The following STK32B variants were observed in gnomAD, a reference collection of about 807,000 sequenced individuals.
STK32B encodes the protein serine/threonine-protein kinase 32B.
Under a neutral mutation model 52.6 loss-of-function variants are expected in STK32B, and 43 were observed. That is an observed-to-expected ratio of 0.82 (90% CI 0.64 to 1.05). STK32B has a LOEUF of 1.05. Ranked by LOEUF, STK32B falls within the 50% of genes least tolerant of loss-of-function variation. The pLI is 0.00. For synonymous variants in STK32B, 238 were observed against 204.3 expected (o/e 1.17, Z -1.41); for missense variants, 621 against 534.6 (o/e 1.16, Z -1.59).
In STK32B at chr4:5,058,809, G is replaced by A. The variant is rs1321696229; in HGVS notation, c.52+6894G>A. Among the ~76,000 whole-genome samples the A allele has an allele frequency of 5.9e-5, 9 of 152,170 alleles. No homozygotes were observed. The South Asian group carries it at 6.2e-4, about 11-fold the overall frequency. On this transcript the variant is annotated intron_variant, in intron 1 of 11. Transcript: ENST00000282908. This position sits in a 1 kb window ranked among gnomAD's most constrained non-coding sequence, Gnocchi z 4.8. Reference sequence around the variant, plus strand: ...TCTGTCTCCCAGGATGGAGTGCAGTGGCGTGGTATCAGCTCACTGCAACCT... The same window carrying A: ...TCTGTCTCCCAGGATGGAGTGCAGTAGCGTGGTATCAGCTCACTGCAACCT...
chr4:5,142,649 C>G (rs1399224603), intron 2 of STK32B, among the ~76,000 whole-genome samples: 2 of 152,178 alleles, frequency 1.3e-5, no homozygotes, highest in African/African-American at 4.8e-5. Context: ...CCTGACATGA[C>G]TTGGAACTTG....
chr4:5,342,511 G>A (rs142110663), intron 4 of STK32B, among the ~76,000 whole-genome samples: 1 of 152,266 alleles, frequency 6.6e-6, no homozygotes, highest in East Asian at 1.9e-4. Context: ...GAGAACACTT[G>A]GCCATACACT....
chr4:5,335,510 C>T (rs946923488), intron 4 of STK32B, among the ~76,000 whole-genome samples: 5 of 152,106 alleles, frequency 3.3e-5, no homozygotes, highest in African/African-American at 7.2e-5. Context: ...TTATTTCTTG[C>T]CTTCTGCTAG....
intron 3 of STK32B, among the ~76,000 whole-genome samples, chr4:5,195,954 A>G (rs1721614927): frequency 1.3e-5 from 2 of 152,252 alleles, no homozygotes; most frequent in South Asian, 2.1e-4. Context: ...CTAAACATAC[A>G]TATATATGAA....
intron 11 of STK32B, among the ~76,000 whole-genome samples, chr4:5,488,896 TAA>T (rs1303501506): frequency 6.6e-6 from 1 of 152,122 alleles, no homozygotes; most frequent in African/African-American, 2.4e-5. Context: ...TTTTTCTCAA[TAA>T]AGAATATATT....
At chr4:5,270,221 G>T (rs1351154623) in intron 3 of STK32B, among the ~76,000 whole-genome samples, 1 of 152,142 alleles carries the variant, frequency 6.6e-6, no homozygotes, top group Non-Finnish European at 1.5e-5. Flanking sequence ...ACGATTACAG[G>T]TGAGGTCCCA....
At chr4:5,038,988 T>TC in the STK32B span, among the ~76,000 whole-genome samples, 10 of 148,060 alleles carry the variant, frequency 6.8e-5, no homozygotes, top group Middle Eastern at 3.5e-3. Context: ...TTTCTTTCTT[T>TC]TTTTTTTTTT....
intron 1 of STK32B, 49 bp downstream of exon 1, chr4:5,051,964 C>T: frequency 6.4e-7 from 1 of 1,553,636 alleles, no homozygotes; most frequent in Non-Finnish European, 8.7e-7. Context: ...CATCCCCTTC[C>T]TCCACCACCC....
intron 1 of STK32B, among the ~76,000 whole-genome samples, chr4:5,108,393 C>T (rs529345527): frequency 1.2e-3 from 180 of 152,238 alleles, no homozygotes; most frequent in African/African-American, 3.7e-3. Flanking sequence ...TGCCAGGTCA[C>T]GTGTAAATTC....
intron 6 of STK32B, among the ~76,000 whole-genome samples, chr4:5,417,750 C>G (rs1712282206): frequency 6.6e-6 from 1 of 152,154 alleles, no homozygotes; most frequent in African/African-American, 2.4e-5. Flanking sequence ...GTGTAACAAA[C>G]TGTGTCAAAA....
intron 7 of STK32B, chr4:5,447,322 T>A (rs1217741545): frequency 6.5e-6 from 1 of 153,164 alleles, no homozygotes; most frequent in African/African-American, 2.4e-5. Context: ...CATTTTTTTG[T>A]TTGAGCAGAA....
chr4:5,093,481 A>G (rs1439429352), intron 1 of STK32B, among the ~76,000 whole-genome samples: 5 of 151,696 alleles, frequency 3.3e-5, no homozygotes, highest in African/African-American at 1.2e-4. Context: ...CAAACACCGC[A>G]TGTTCTCACT....
intron 6 of STK32B, among the ~76,000 whole-genome samples, chr4:5,443,572 A>T (rs1278886454): frequency 1.3e-5 from 2 of 152,096 alleles, no homozygotes; most frequent in Non-Finnish European, 2.9e-5. Flanking sequence ...GCTCAGAGTA[A>T]TTTGATCGTC....
At chr4:5,122,048 T>G (rs967181452) in intron 1 of STK32B, among the ~76,000 whole-genome samples, 3 of 152,202 alleles carry the variant, frequency 2.0e-5, no homozygotes, top group African/African-American at 7.2e-5. Flanking sequence ...ATTCATTCAC[T>G]CGCTCATTCA....
chr4:5,383,293 G>A (rs933333652), intron 4 of STK32B, among the ~76,000 whole-genome samples: 3 of 152,088 alleles, frequency 2.0e-5, no homozygotes, highest in African/African-American at 7.2e-5. Flanking sequence ...CCTGTCACAC[G>A]AGGCAAACTG....
intron 11 of STK32B, among the ~76,000 whole-genome samples, chr4:5,488,911 ATGTC>A (rs1479118754): frequency 1.3e-5 from 2 of 152,166 alleles, no homozygotes; most frequent in South Asian, 2.1e-4. Flanking sequence ...AATATATTTT[ATGTC>A]TGTCTTATAA....
chr4:5,295,539 AG>A (rs1729142293), intron 3 of STK32B, among the ~76,000 whole-genome samples: 1 of 152,108 alleles, frequency 6.6e-6, no homozygotes, highest in African/African-American at 2.4e-5. Flanking sequence ...CGTTTCTTCT[AG>A]ATTTTCTAGT....
At chr4:5,293,966 A>G (rs185418648) in intron 3 of STK32B, among the ~76,000 whole-genome samples, 1 of 152,152 alleles carries the variant, frequency 6.6e-6, no homozygotes, top group East Asian at 1.9e-4. Flanking sequence ...ATTTTTCTAT[A>G]AGGTGTAAGG....
chr4:5,119,934 A>G (rs571872245), intron 1 of STK32B, among the ~76,000 whole-genome samples: 1 of 152,374 alleles, frequency 6.6e-6, no homozygotes, highest in Admixed American at 6.5e-5. Context: ...GGACTCAAGT[A>G]CATTAGTCCC....
Sources: allele counts gnomAD v4.1 joint callset (sites outside exome capture counted in the v4.1 genomes callset), GRCh38; gene constraint gnomAD v4.1.1; non-coding constraint Gnocchi (gnomAD v3.1); transcripts MANE v1.5; gene names NCBI Gene and HGNC (gene_info 2026-07-23, HGNC 2026-07-21).